The following NFATC3 variants were observed in gnomAD, a reference collection of about 807,000 sequenced individuals.
NFATC3 encodes the protein nuclear factor of activated T-cells, cytoplasmic 3.
In NFATC3, 46 loss-of-function variants were observed where a neutral mutation model predicts 98.6. The observed-to-expected ratio is 0.47, with a 90% CI of 0.37 to 0.60. The LOEUF is 0.60. NFATC3 is among the 20% of genes least tolerant of loss of function. The pLI, the probability that NFATC3 is intolerant of heterozygous loss-of-function variation, is 0.00. For synonymous variants in NFATC3, 512 were observed against 472.2 expected (o/e 1.08, Z -1.09); for missense variants, 1,256 against 1,295.5 (o/e 0.97, Z 0.47).
intron 1 of NFATC3, among the ~76,000 whole-genome samples, chr16:68,097,639 T>A (rs1463058513): frequency 6.6e-6 from 1 of 152,172 alleles, no homozygotes; most frequent in East Asian, 1.9e-4. Context: ...GAAGATACTG[T>A]CACAGAGTTA....
intron 1 of NFATC3, 29 bp from the exon 2 acceptor site, chr16:68,121,957 GT>G (rs57424404): frequency 0.085 from 91,798 of 1,082,660 alleles, 71 homozygotes; most frequent in East Asian, 0.21. Context: ...GTTTTGTTGG[GT>G]TTTTTTTTTT....
chr16:68,091,075 A>G (rs1227398979), intron 1 of NFATC3, among the ~76,000 whole-genome samples: 1 of 152,208 alleles, frequency 6.6e-6, no homozygotes, highest in African/African-American at 2.4e-5. Context: ...TTTTTGTTAA[A>G]AACATTCATC....
At chr16:68,206,781 A>C (rs1256117875) in intron 9 of NFATC3, among the ~76,000 whole-genome samples, 1 of 152,086 alleles carries the variant, frequency 6.6e-6, no homozygotes. Flanking sequence ...CCAGAAGATC[A>C]GGACCAGCCT....
At chr16:68,178,947 C>T (rs2039834404) in intron 6 of NFATC3, among the ~76,000 whole-genome samples, 1 of 152,150 alleles carries the variant, frequency 6.6e-6, no homozygotes, top group African/African-American at 2.4e-5. Flanking sequence ...TTTCTAGGCT[C>T]CTTATTATGG....
Position 68,191,199 on chromosome 16 carries a change from C to T in NFATC3, c.2530C>T (p.Leu844Phe). 7 of 1,614,196 alleles carry T rather than the reference C, an allele frequency of 4.3e-6. No individual in the cohort carries two copies. Among genetic ancestry groups the T allele is most frequent in the Non-Finnish European group, 5.9e-6 (7 of 1,180,046 alleles). Residue 844 changes from leucine to phenylalanine, a missense_variant, in exon 9 of 10, where the codon CTT (leucine) becomes TTT (phenylalanine). Leu to Phe is a conservative substitution (Grantham distance 22, BLOSUM62 0). Around this residue, in one of 3 missense-constraint regions of NFATC3, gnomAD observed 636 missense variants for 617.3 expected, o/e 1.03. Transcript: ENST00000346183. ...TGCAACTCTTTCTGGTTTAGTGAAT[C>T]TTGGCTGTCAACCACTGTCATCCAT... ...QDATLSGLVNLGCQPLSSIPF... is the reference protein window; with the variant it reads ...QDATLSGLVNFGCQPLSSIPF...
chr16:68,186,032 C>G (rs1369851004), intron 8 of NFATC3, among the ~76,000 whole-genome samples: 2 of 152,132 alleles, frequency 1.3e-5, no homozygotes, highest in East Asian at 1.9e-4. Context: ...TAACTCATCA[C>G]TGGCCTTATG....
chr16:68,110,026 A>G (rs1185579629), intron 1 of NFATC3, among the ~76,000 whole-genome samples: 1 of 151,970 alleles, frequency 6.6e-6, no homozygotes, highest in Non-Finnish European at 1.5e-5. Flanking sequence ...TTGTTTTGAG[A>G]TGGAGTCTCA....
intron 8 of NFATC3, among the ~76,000 whole-genome samples, chr16:68,184,664 C>T (rs187485923): frequency 1.2e-3 from 185 of 151,754 alleles, no homozygotes; most frequent in African/African-American, 4.0e-3. Flanking sequence ...ATTAGCCGGG[C>T]GTGGTGGCGG....
intron 9 of NFATC3, among the ~76,000 whole-genome samples, chr16:68,203,008 C>T (rs2040992940): frequency 6.6e-6 from 1 of 152,100 alleles, no homozygotes; most frequent in South Asian, 2.1e-4. Flanking sequence ...GGGAAGCATA[C>T]ATGTACTATA....
chr16:68,220,203 C>T (rs2041808572), intron 9 of NFATC3, among the ~76,000 whole-genome samples: 1 of 152,144 alleles, frequency 6.6e-6, no homozygotes, highest in Non-Finnish European at 1.5e-5. Flanking sequence ...TTGTTCTAGG[C>T]TTTTAATTCA....
chr16:68,142,253 A>G (rs1283017245), intron 3 of NFATC3, among the ~76,000 whole-genome samples: 1 of 151,940 alleles, frequency 6.6e-6, no homozygotes, highest in African/African-American at 2.4e-5. Context: ...GATTTTTTTC[A>G]GCAGTGTTTT....
At chr16:68,163,235 T>C (rs2038983835) in intron 4 of NFATC3, among the ~76,000 whole-genome samples, 1 of 151,988 alleles carries the variant, frequency 6.6e-6, no homozygotes, top group Admixed American at 6.5e-5. Flanking sequence ...CATGGCCCGT[T>C]CTCAATGAGC....
chr16:68,148,217 T>C (rs113383450), intron 3 of NFATC3, among the ~76,000 whole-genome samples: 2 of 152,224 alleles, frequency 1.3e-5, no homozygotes, highest in Admixed American at 6.5e-5. Context: ...GGTTTCTCCA[T>C]GTTGGTCAGG....
At chr16:68,111,898 A>T (rs117923946) in intron 1 of NFATC3, among the ~76,000 whole-genome samples, 1 of 152,098 alleles carries the variant, frequency 6.6e-6, no homozygotes, top group Admixed American at 6.5e-5. Flanking sequence ...ATTTGTCCGG[A>T]TATGACATTT....
At chr16:68,213,433 T>A (rs1010025316) in intron 9 of NFATC3, among the ~76,000 whole-genome samples, 6 of 147,098 alleles carry the variant, frequency 4.1e-5, no homozygotes, top group Non-Finnish European at 9.0e-5. Context: ...AATAAATAAA[T>A]AAATAAAAAT....
rs1194522809 is a variant in NFATC3, at chr16:68,169,897, C to T, written c.1774+2882C>T. On this transcript the variant is annotated intron_variant, in intron 5 of 9. Transcript: ENST00000346183. ...CGGAGGTTGCAGTGAGCTGAGATCA[C>T]GCCATTGCACTCCAGACTGGGCAAC... is the stretch of plus-strand genomic sequence containing the variant. Among the ~76,000 whole-genome samples the T allele has an allele frequency of 2.6e-5, 4 of 151,368 alleles. 1 individual carries two copies. The highest frequency in any genetic ancestry group is 9.7e-5 in the African/African-American group (4 of 41,170).
At chr16:68,098,507 G>A (rs1194349173) in intron 1 of NFATC3, among the ~76,000 whole-genome samples, 4 of 151,880 alleles carry the variant, frequency 2.6e-5, no homozygotes, top group Non-Finnish European at 5.9e-5. Context: ...TCACCATGTT[G>A]ACCAGGATGG....
In NFATC3 at chr16:68,122,318, T is replaced by C. The variant is rs1166127724; in HGVS notation, c.435T>C (p.Ser145=). 6.2e-7 allele frequency: 1 copy of C among 1,614,192 alleles called. No homozygotes were observed. Among genetic ancestry groups the C allele is most frequent in the Admixed American group, 1.7e-5 (1 of 60,018 alleles). The change falls in exon 2 of 10, where the codon TCT becomes TCC. Residue 145 remains serine (S), a synonymous_variant. Coordinates refer to ENST00000346183, the MANE Select transcript of NFATC3 (RefSeq NM_173165.3). The part of the protein sequence containing the change: ...DPEREFLERP[S]RDHLYLPLEP... ...AACGGGAATTTTTGGAAAGGCCTTC[T>C]AGAGATCATCTCTATCTTCCTCTTG...
At chr16:68,153,940 G>A (rs1471314065) in intron 3 of NFATC3, among the ~76,000 whole-genome samples, 2 of 151,710 alleles carry the variant, frequency 1.3e-5, no homozygotes, top group Non-Finnish European at 2.9e-5. Context: ...TAAGAGACAA[G>A]GTCTCACACT....
Sources: gnomAD v4.1 joint callset for allele counts (sites outside exome capture counted in the v4.1 genomes callset) on GRCh38, gnomAD v4.1.1 for gene constraint, gnomAD v4.1.1 regional missense constraint, MANE v1.5 for transcripts, NCBI Gene and HGNC (gene_info 2026-07-23, HGNC 2026-07-21) for gene names.